The following MPP7 variants were observed in gnomAD, a reference collection of about 807,000 sequenced individuals.
MPP7 encodes MAGUK p55 scaffold protein 7.
Under a neutral mutation model 76.5 loss-of-function variants are expected in MPP7, and 60 were observed. That is an observed-to-expected ratio of 0.78 (90% CI 0.64 to 0.97). The LOEUF is 0.97. Ranked by LOEUF, MPP7 falls within the 50% of genes least tolerant of loss-of-function variation. MPP7 has a pLI of 0.00. For missense variants in MPP7, 641 were observed against 694.0 expected (o/e 0.92, Z 0.86); for synonymous variants, 237 against 244.5 (o/e 0.97, Z 0.29).
intron 1 of MPP7, among the ~76,000 whole-genome samples, chr10:28,269,307 G>GA (rs143654821): frequency 2.7e-3 from 404 of 152,286 alleles, no homozygotes; most frequent in African/African-American, 9.0e-3. Flanking sequence ...TGACAACAGT[G>GA]AATGCTCAAC....
intron 2 of MPP7, among the ~76,000 whole-genome samples, chr10:28,227,090 C>T (rs192730527): frequency 2.2e-4 from 34 of 152,158 alleles, no homozygotes; most frequent in African/African-American, 7.9e-4. Context: ...CCCCATAATA[C>T]CTGAAGAGGA....
Position 28,058,481 on chromosome 10 carries a change from C to A in MPP7, c.1407+14G>T. On this transcript the variant is annotated intron_variant, in intron 15 of 16. Coordinates refer to ENST00000683449, the MANE Select transcript of MPP7 (RefSeq NM_001318170.2). ...TGGGTCAGAAGGGTATTGAATAGCT[C>A]ATTGTTTACTTACATGAGGCTGAAC... 6.7e-7 allele frequency: 1 copy of A among 1,491,140 alleles called. No individual in the cohort carries two copies. Among genetic ancestry groups the A allele is most frequent in the South Asian group, 1.2e-5 (1 of 84,186 alleles). The allele number at this position is 1,491,140 out of a possible 1,614,324, so 92.4% of individuals were successfully genotyped here. A position where few individuals can be genotyped will look rare whatever the true frequency, so the allele number is the denominator to read the frequency against.
At chr10:28,155,344 C>G (rs1253086689) in intron 3 of MPP7, among the ~76,000 whole-genome samples, 1 of 152,118 alleles carries the variant, frequency 6.6e-6, no homozygotes, top group Admixed American at 6.5e-5. Context: ...AAGCCCAGCA[C>G]TTTGGGAGGC....
chr10:28,114,505 G>A (rs1834600983), intron 11 of MPP7, among the ~76,000 whole-genome samples: 1 of 152,044 alleles, frequency 6.6e-6, no homozygotes, highest in Non-Finnish European at 1.5e-5. Flanking sequence ...AGCACGTGGT[G>A]AGTCCTGCAC....
rs933328693 is a variant in MPP7 at position 28,061,644 on chromosome 10, T to C, written c.1205-1901A>G. Reference sequence around the variant, plus strand: ...TTTGAAGAAATAAAGGCCCCAAACTTCTATAATTTGGTGAAATACATAAAC... The same window carrying C: ...TTTGAAGAAATAAAGGCCCCAAACTCCTATAATTTGGTGAAATACATAAAC... On this transcript the variant is annotated intron_variant, in intron 13 of 16. Coordinates refer to ENST00000683449, the MANE Select transcript of MPP7 (RefSeq NM_001318170.2). Among the ~76,000 whole-genome samples, 11 of 152,208 alleles carry C rather than the reference T, an allele frequency of 7.2e-5. No individual in the cohort carries two copies. In the South Asian group the frequency reaches 1.0e-3, roughly 14 times the overall value.
At chr10:28,118,524 G>A (rs1382495066) in intron 11 of MPP7, 1 of 985,338 alleles carries the variant, frequency 1.0e-6, no homozygotes, top group Non-Finnish European at 1.2e-6. Context: ...AGTCAGGCAA[G>A]GAGCCTCAAA....
intron 1 of MPP7, among the ~76,000 whole-genome samples, chr10:28,253,602 C>T (rs1056423265): frequency 4.6e-5 from 7 of 152,072 alleles, no homozygotes; most frequent in African/African-American, 1.2e-4. Flanking sequence ...TATGTAGATT[C>T]GTGAAAAATC....
chr10:28,213,565 C>G (rs747440507), intron 2 of MPP7, among the ~76,000 whole-genome samples: 1 of 151,726 alleles, frequency 6.6e-6, no homozygotes, highest in Non-Finnish European at 1.5e-5. Context: ...GAGGCCAAGG[C>G]GGGCAGATCA....
intron 11 of MPP7, among the ~76,000 whole-genome samples, chr10:28,110,931 C>T (rs1382936422): frequency 6.6e-6 from 1 of 152,090 alleles, no homozygotes; most frequent in Admixed American, 6.6e-5. Flanking sequence ...CAAAAAAATG[C>T]ATATTTCTTT....
chr10:28,313,440 A>G (rs1171880354), intron 2 of MPP7, among the ~76,000 whole-genome samples: 1 of 152,152 alleles, frequency 6.6e-6, no homozygotes, highest in Non-Finnish European at 1.5e-5. Context: ...TGGGAGGCAG[A>G]TGTTGCAGTG....
chr10:28,139,783 A>G (rs1018008919), intron 5 of MPP7, among the ~76,000 whole-genome samples: 1 of 152,334 alleles, frequency 6.6e-6, no homozygotes, highest in East Asian at 1.9e-4. Context: ...GTCACATTGT[A>G]TATTTAACCT....
intron 2 of MPP7, among the ~76,000 whole-genome samples, chr10:28,206,734 T>G (rs1837960920): frequency 6.6e-6 from 1 of 152,200 alleles, no homozygotes; most frequent in Admixed American, 6.5e-5. Context: ...ATTCGTGAGA[T>G]GCTGTCATGG....
At chr10:28,298,622 C>A (rs548975079) in intron 1 of MPP7, among the ~76,000 whole-genome samples, 2 of 152,336 alleles carry the variant, frequency 1.3e-5, no homozygotes, top group Non-Finnish European at 2.9e-5. Flanking sequence ...TGAGCAGTGG[C>A]TTCAACTTAA....
chr10:28,158,558 T>C (rs1314854462), intron 3 of MPP7, among the ~76,000 whole-genome samples: 3 of 152,138 alleles, frequency 2.0e-5, no homozygotes, highest in African/African-American at 7.2e-5. Flanking sequence ...GGCAGCAGAC[T>C]AGCTGATTTT....
intron 2 of MPP7, chr10:28,236,581 G>C (rs1286958166): frequency 2.6e-5 from 4 of 151,970 alleles, no homozygotes; most frequent in African/African-American, 9.7e-5. Context: ...AAAAAAATGA[G>C]ATCGGGGGAA....
chr10:28,196,988 C>G (rs542397716), intron 3 of MPP7, among the ~76,000 whole-genome samples: 75 of 152,268 alleles, frequency 4.9e-4, no homozygotes, highest in African/African-American at 1.6e-3. Context: ...AAGAACAGGT[C>G]ACTGTTCATC....
chr10:28,262,211 A>G (rs1351309637), intron 1 of MPP7, among the ~76,000 whole-genome samples: 15 of 39,196 alleles, frequency 3.8e-4, no homozygotes, highest in East Asian at 1.6e-3. Flanking sequence ...ATATATACAT[A>G]TATATATATA....
At chr10:28,224,595 T>C (rs1838627057) in intron 2 of MPP7, among the ~76,000 whole-genome samples, 1 of 152,208 alleles carries the variant, frequency 6.6e-6, no homozygotes, top group Admixed American at 6.5e-5. Flanking sequence ...GCTTCCCTTT[T>C]CTGGATAAAG....
intron 11 of MPP7, among the ~76,000 whole-genome samples, chr10:28,093,377 C>A (rs1418912632): frequency 1.3e-5 from 2 of 151,732 alleles, no homozygotes; most frequent in African/African-American, 2.4e-5. Context: ...CAAATCACAG[C>A]TAAATCTTGA....
Sources: gnomAD v4.1 joint callset for allele counts (sites outside exome capture counted in the v4.1 genomes callset) on GRCh38, gnomAD v4.1.1 for gene constraint, MANE v1.5 for transcripts, NCBI Gene and HGNC (gene_info 2026-07-23, HGNC 2026-07-21) for gene names.